Variants in PARVA observed in about 807,000 individuals in gnomAD.
The protein encoded by PARVA is alpha-parvin.
In PARVA, 25 loss-of-function variants were observed where a neutral mutation model predicts 52.6. The observed-to-expected ratio is 0.48, with a 90% confidence interval of 0.35 to 0.66. The LOEUF (loss-of-function observed/expected upper bound fraction) is 0.66, where lower values mean the gene tolerates loss of function less well. Among genes scored for constraint, PARVA ranks in the 30% least tolerant of loss-of-function variants. The probability of loss-of-function intolerance (pLI) is 0.01; values close to 1 mark genes in which losing one functional copy is unlikely to be tolerated. For synonymous variants in PARVA, 185 were observed against 179.1 expected (o/e 1.03, Z -0.26); for missense variants, 373 against 450.9 (o/e 0.83, Z 1.56).
At chr11:12,425,159 C>T (rs1940212401) in intron 1 of PARVA, among the ~76,000 whole-genome samples, 1 of 152,142 alleles carries the variant, frequency 6.6e-6, no homozygotes, top group Non-Finnish European at 1.5e-5. Flanking sequence ...TTAGGGGCTT[C>T]CTTTAGAAGT....
intron 1 of PARVA, among the ~76,000 whole-genome samples, chr11:12,411,867 T>C (rs532441498): frequency 8.6e-4 from 131 of 152,270 alleles, no homozygotes; most frequent in African/African-American, 3.0e-3. Flanking sequence ...CTCCAAGCCC[T>C]GCCCACATCA....
chr11:12,388,654 G>A (rs1467059786), intron 1 of PARVA, among the ~76,000 whole-genome samples: 1 of 151,876 alleles, frequency 6.6e-6, no homozygotes, highest in Non-Finnish European at 1.5e-5. Context: ...ATTGCTATTA[G>A]CGTTTTGCTT....
chr11:12,395,208 G>A (rs75090110), intron 1 of PARVA, among the ~76,000 whole-genome samples: 13,583 of 152,084 alleles, frequency 0.089, 742 homozygotes, highest in African/African-American at 0.14. Flanking sequence ...CATATAAGTG[G>A]GTCTTACAAC....
At position 12,485,534 on chromosome 11, in the gene PARVA, T is replaced by A. The variant is rs114466545; in HGVS notation, c.400+7585T>A. Among the ~76,000 whole-genome samples, 286 of 152,274 alleles carry A rather than the reference T, an allele frequency of 1.9e-3. 1 individual carries two copies. The highest frequency in any genetic ancestry group is 6.4e-3 in the African/African-American group (268 of 41,560). On this transcript the variant is annotated intron_variant, in intron 4 of 12. Coordinates refer to ENST00000334956, the MANE Select transcript of PARVA (RefSeq NM_018222.5). The stretch of plus-strand genomic sequence containing the variant: ...AAAACCAACCTGAGGGAGCTCCCAG[T>A]GGCCAAAGCTGGAATTATTTGGGGG...
intron 1 of PARVA, among the ~76,000 whole-genome samples, chr11:12,462,662 C>T (rs1432814214): frequency 2.6e-5 from 4 of 152,174 alleles, no homozygotes; most frequent in South Asian, 4.1e-4. Flanking sequence ...TACAAAAGCC[C>T]ATGGTATAAA....
At chr11:12,410,610 T>C (rs541376467) in intron 1 of PARVA, among the ~76,000 whole-genome samples, 1 of 152,302 alleles carries the variant, frequency 6.6e-6, no homozygotes, top group Non-Finnish European at 1.5e-5. Flanking sequence ...GAGACATCAC[T>C]AGAAAATCTC....
chr11:12,527,814 A>G (rs769471499), intron 12 of PARVA, 35 bp from the exon 13 acceptor site: 45 of 1,529,958 alleles, frequency 2.9e-5, no homozygotes, highest in Non-Finnish European at 4.1e-5. Flanking sequence ...ATGTGGCCCC[A>G]TGGAAACAAT....
At chr11:12,489,193 T>C (rs947276074) in intron 4 of PARVA, among the ~76,000 whole-genome samples, 4 of 151,094 alleles carry the variant, frequency 2.6e-5, no homozygotes, top group African/African-American at 9.7e-5. Context: ...AAAAAAAGTG[T>C]TCAGTTATAG....
At chr11:12,516,201 C>G (rs769239485) in intron 10 of PARVA, among the ~76,000 whole-genome samples, 2 of 152,224 alleles carry the variant, frequency 1.3e-5, no homozygotes, top group Non-Finnish European at 2.9e-5. Context: ...GGCTGAGCCG[C>G]AGGCCGGCTA....
rs1399118571 is a variant in PARVA, at chr11:12,530,265, C to G, written c.*2340C>G. The G allele has an allele frequency of 6.6e-6, 1 of 152,156 alleles. No individual in the cohort carries two copies. Among genetic ancestry groups the G allele is most frequent in the East Asian group, 1.9e-4 (1 of 5,198 alleles). The allele number at this position is 152,156 out of a possible 1,614,324, so 9.4% of individuals were successfully genotyped here. On this transcript the variant is annotated 3_prime_UTR_variant, in exon 13 of 13. Coordinates refer to ENST00000334956, the MANE Select transcript of PARVA (RefSeq NM_018222.5). ...AGGTCCTGGGCCTGGTTTTCTAATG[C>G]TGTCATCTCAGTTCGATATTTTACT...
intron 1 of PARVA, among the ~76,000 whole-genome samples, chr11:12,418,946 T>C (rs1940107813): frequency 6.6e-6 from 1 of 152,212 alleles, no homozygotes; most frequent in South Asian, 2.1e-4. Context: ...CAATGGTTTA[T>C]GAGGTAGGTA....
At chr11:12,443,138 G>C (rs1160934764) in intron 1 of PARVA, among the ~76,000 whole-genome samples, 1 of 146,976 alleles carries the variant, frequency 6.8e-6, no homozygotes, top group African/African-American at 2.5e-5. Flanking sequence ...TGGGATTACA[G>C]GCGTGAGCCA....
intron 1 of PARVA, among the ~76,000 whole-genome samples, chr11:12,385,105 G>A (rs1211258420): frequency 6.6e-6 from 1 of 152,162 alleles, no homozygotes; most frequent in Non-Finnish European, 1.5e-5. Context: ...GGGAGGCGAA[G>A]TGGGTGGTTT....
At chr11:12,393,461 G>T (rs1320567350) in intron 1 of PARVA, among the ~76,000 whole-genome samples, 2 of 152,100 alleles carry the variant, frequency 1.3e-5, no homozygotes, top group Non-Finnish European at 2.9e-5. Context: ...CTTATTTCTT[G>T]CTTACAGCAC....
At position 12,452,756 on chromosome 11, in the gene PARVA, G is replaced by A. The variant is rs982544287; in HGVS notation, c.137-20989G>A. ...GCCAAGAGGCGAGAGGCAGAATCCCGCTTGCTTTGCAGCAGGTCTGTGAGT... is the reference window on the plus strand; with the variant it reads ...GCCAAGAGGCGAGAGGCAGAATCCCACTTGCTTTGCAGCAGGTCTGTGAGT... On this transcript the variant is annotated intron_variant, in intron 1 of 12. Coordinates refer to ENST00000334956, the MANE Select transcript of PARVA (RefSeq NM_018222.5). The A allele has an allele frequency of 2.5e-5, 6 of 237,224 alleles. No individual in the cohort carries two copies. In the East Asian group the frequency reaches 2.9e-4, roughly 11 times the overall value. 14.7% of individuals were successfully genotyped at this position (237,224 alleles called of 1,614,324 possible).
chr11:12,396,107 A>G (rs190821428), intron 1 of PARVA, among the ~76,000 whole-genome samples: 120 of 152,286 alleles, frequency 7.9e-4, no homozygotes, highest in Middle Eastern at 3.4e-3. Flanking sequence ...GGAGGTCCCA[A>G]TTTTACAGAT....
chr11:12,482,931 G>C (rs1283912185), intron 4 of PARVA, among the ~76,000 whole-genome samples: 1 of 152,228 alleles, frequency 6.6e-6, no homozygotes, highest in Non-Finnish European at 1.5e-5. Flanking sequence ...TTGGCAGAGA[G>C]TTGTATATGT....
chr11:12,485,845 T>C (rs1589976400), intron 4 of PARVA, among the ~76,000 whole-genome samples: 1 of 152,154 alleles, frequency 6.6e-6, no homozygotes, highest in East Asian at 1.9e-4. Context: ...TTCTGTGGTC[T>C]TCCTCCCCAG....
chr11:12,443,016 T>C (rs10831819), intron 1 of PARVA, among the ~76,000 whole-genome samples: 43,636 of 151,014 alleles, frequency 0.29, 6,941 homozygotes, highest in Non-Finnish European at 0.35. Flanking sequence ...CACCTGCCAC[T>C]ACGCCCAGCT....
Sources: gnomAD v4.1 joint callset for allele counts (sites outside exome capture counted in the v4.1 genomes callset) on GRCh38, gnomAD v4.1.1 for gene constraint, MANE v1.5 for transcripts, NCBI Gene and HGNC (gene_info 2026-07-23, HGNC 2026-07-21) for gene names.